ZACN: variants seen among roughly 807,000 people sequenced by gnomAD.
ZACN encodes ligand-gated cation channel ZACN.
ZACN carries 52 observed loss-of-function variants against 38.9 expected under a neutral mutation model. The ratio of observed to expected loss-of-function variants is 1.34; its 90% CI spans 1.07 to 1.68. The LOEUF (loss-of-function observed/expected upper bound fraction) is 1.68. Ranked by LOEUF, ZACN falls within the 40% of genes most tolerant of loss-of-function variation. The pLI is 0.00. For synonymous variants in ZACN, 235 were observed against 227.4 expected, an observed-to-expected ratio of 1.03 and a Z score of -0.30; for missense variants, 559 against 525.6, an observed-to-expected ratio of 1.06 and a Z score of -0.62.
intron 8 of ZACN, 100 bp from the exon 9 acceptor site, chr17:76,082,359 TAAGA>T: frequency 3.2e-6 from 4 of 1,254,362 alleles, no homozygotes; most frequent in East Asian, 4.7e-5. Flanking sequence ...GCTGAGAATC[TAAGA>T]AAGGAAGCGA....
In ZACN at chr17:76,080,215, G is replaced by A. The variant is rs1170078357; in HGVS notation, c.375-40G>A. The A allele has an allele frequency of 2.5e-6, 4 of 1,578,646 alleles. No homozygotes were observed. In the Admixed American group the frequency reaches 7.2e-5, roughly 28 times the overall value. On this transcript the variant is annotated intron_variant, in intron 4 of 8. Transcript: ENST00000334586. ...AGGGTCTCCCCCCGGCCCCGTCCAAGAAGGGGCTGGGGCTCTGGCTGTGGT... is the reference window on the plus strand; with the variant it reads ...AGGGTCTCCCCCCGGCCCCGTCCAAAAAGGGGCTGGGGCTCTGGCTGTGGT...
In ZACN at chr17:76,079,419, C is replaced by A; in HGVS notation, c.98-20C>A. 1 of 1,614,154 alleles carries A rather than the reference C, an allele frequency of 6.2e-7. No individual in the cohort carries two copies. The highest frequency in any genetic ancestry group is 8.5e-7 in the Non-Finnish European group (1 of 1,180,018). On this transcript the variant is annotated intron_variant, in intron 1 of 8. Coordinates refer to ENST00000334586, the MANE Select transcript of ZACN (RefSeq NM_180990.4). ...CTTGGGCCCTAGGGCACCTGAGTGA[C>A]CTTGACTTTTCTCTCTCAGTCTGGC...
rs1449118912 is a variant in ZACN, at chr17:76,079,463, A to C, written c.122A>C (p.Asn41Thr). The part of the protein sequence containing the change: ...AAIWPSLFNV[N>T]LSKKVQESIQ... The stretch of plus-strand genomic sequence containing the variant: ...GTCTGGCCATCCCTCTTCAACGTCA[A>C]CTTGTCCAAGAAGGTTCAGGAAAGC... Residue 41 changes from asparagine to threonine, a missense_variant, in exon 2 of 9, where the codon AAC (asparagine) becomes ACC (threonine). Physicochemically the swap from Asn to Thr is moderately conservative, Grantham distance 65. Transcript: ENST00000334586. 1.2e-6 allele frequency: 2 copies of C among 1,614,156 alleles called. No homozygotes were observed. The highest frequency in any genetic ancestry group is 1.7e-5 in the Admixed American group (1 of 60,016).
rs1209050744 is a variant in ZACN, at chr17:76,081,765, G to A, written c.880+10G>A. Reference sequence around the variant, plus strand: ...TGCAACCCACTGCTCAGTAAGCCCTGCTCCCTTACCCAGTCTGCCCTGTTT... The same window carrying A: ...TGCAACCCACTGCTCAGTAAGCCCTACTCCCTTACCCAGTCTGCCCTGTTT... On this transcript the variant is annotated intron_variant, in intron 7 of 8. Transcript: ENST00000334586. 3.7e-6 allele frequency: 6 copies of A among 1,613,970 alleles called. No homozygotes were observed. Among genetic ancestry groups the A allele is most frequent in the Non-Finnish European group, 5.1e-6 (6 of 1,179,976 alleles).
intron 5 of ZACN, 28 bp downstream of exon 5, chr17:76,080,452 T>A: frequency 6.2e-7 from 1 of 1,607,236 alleles, no homozygotes; most frequent in South Asian, 1.1e-5. Flanking sequence ...GCTGCAGGGT[T>A]GAGGAGGGGA....
At chr17:76,082,387 C>T in intron 8 of ZACN, 76 bp from the exon 9 acceptor site, 1 of 1,423,378 alleles carries the variant, frequency 7.0e-7, no homozygotes, top group South Asian at 1.4e-5. Flanking sequence ...AGGCTGATGA[C>T]CCCTGGGGTT....
rs142902667 is a variant in ZACN, at chr17:76,079,751, G to A, written c.267+5G>A. 75 of 1,613,292 alleles carry A rather than the reference G, an allele frequency of 4.6e-5. No individual in the cohort carries two copies. The East Asian group carries it at 6.5e-4, about 14-fold the overall frequency. On this transcript the variant is annotated splice_donor_5th_base_variant and intron_variant, in intron 3 of 8. Coordinates refer to ENST00000334586, the MANE Select transcript of ZACN (RefSeq NM_180990.4). ...TCCATGCTGCTGCTTAGGCTGGTGAGCTCCTATGCCTGGGGAGGTGGGATG... is the reference window on the plus strand; with the variant it reads ...TCCATGCTGCTGCTTAGGCTGGTGAACTCCTATGCCTGGGGAGGTGGGATG...
chr17:76,082,064 G>T lies in ZACN; in HGVS notation c.1048+15G>T. ...TCCTGCTGAAGGTGGGCAGGGGCTGGGGGGTAAGGAATGAGGCCTAGGTGC... is the reference window on the plus strand; with the variant it reads ...TCCTGCTGAAGGTGGGCAGGGGCTGTGGGGTAAGGAATGAGGCCTAGGTGC... On this transcript the variant is annotated intron_variant, in intron 8 of 8. Coordinates refer to ENST00000334586, the MANE Select transcript of ZACN (RefSeq NM_180990.4). 6.3e-7 allele frequency: 1 copy of T among 1,591,412 alleles called. No individual in the cohort carries two copies. Among genetic ancestry groups the T allele is most frequent in the Non-Finnish European group, 8.5e-7 (1 of 1,170,256 alleles).
Position 76,081,878 on chromosome 17 carries a change from CCA to C in ZACN, c.881-3_881-2del, listed in dbSNP as rs765160550. 5 of 1,608,672 alleles carry C rather than the reference CCA, an allele frequency of 3.1e-6. No individual in the cohort carries two copies. Among genetic ancestry groups the C allele is most frequent in the Non-Finnish European group, 4.3e-6 (5 of 1,176,330 alleles). ...AGCATCTCCCTGTGCCCTGCCTCCC[CCA>C]GTTTACTACTTCACCATCCTGCTGC... On this transcript the variant is annotated splice_acceptor_variant and splice_polypyrimidine_tract_variant and intron_variant, in intron 7 of 8. Transcript: ENST00000334586. LOFTEE classifies it high-confidence loss of function.
Position 76,081,934 on chromosome 17 carries a change from T to C in ZACN, c.933T>C (p.Thr311=), listed in dbSNP as rs1305103039. The change falls in exon 8 of 9, where the codon ACT becomes ACC. Residue 311 remains threonine (T), a synonymous_variant. Transcript: ENST00000334586. ...TGCTCTTCCTCAGCACCATAGAGAC[T>C]GTGCTGCTGGCTGGGCTGCTGGCCC... ...LLLLFLSTIE[T]VLLAGLLARG... 6.2e-6 allele frequency: 10 copies of C among 1,613,186 alleles called. 1 individual carries two copies. In the Admixed American group the frequency reaches 1.7e-4, roughly 27 times the overall value.
Position 76,081,995 on chromosome 17 carries a change from G to A in ZACN, c.994G>A (p.Ala332Thr). ...TGGGGCCAAGAGCGGCCCCAGCCCAGCCCCGAGAGGGGAACAGCGAGAGCA... is the reference window on the plus strand; with the variant it reads ...TGGGGCCAAGAGCGGCCCCAGCCCAACCCCGAGAGGGGAACAGCGAGAGCA... ...NLGAKSGPSP[A>T]PRGEQREHGN... The change falls in exon 8 of 9, where the codon GCC (alanine) becomes ACC (threonine). Residue 332 changes from alanine to threonine, a missense_variant. By Grantham distance (58) the Ala-to-Thr change is moderately conservative. Coordinates refer to ENST00000334586, the MANE Select transcript of ZACN (RefSeq NM_180990.4). The A allele has an allele frequency of 2.5e-6, 4 of 1,611,932 alleles. No homozygotes were observed. The highest frequency in any genetic ancestry group is 1.3e-5 in the African/African-American group (1 of 74,976).
At chr17:76,080,803 T>G (rs2066943159) in intron 5 of ZACN, 1 of 479,148 alleles carries the variant, frequency 2.1e-6, no homozygotes, top group Admixed American at 2.3e-5. Context: ...CTCGGCCCCT[T>G]GCAGCAAGGC....
At chr17:76,081,180 A>T (rs191578696) in intron 5 of ZACN, 98 bp from the exon 6 acceptor site, 1 of 1,534,196 alleles carries the variant, frequency 6.5e-7, no homozygotes, top group African/African-American at 1.4e-5. Flanking sequence ...AAAAGCCATC[A>T]AAAGTCTCCA....
chr17:76,081,507 C>A (rs779646744), intron 6 of ZACN, 38 bp from the exon 7 acceptor site: 4 of 1,608,688 alleles, frequency 2.5e-6, no homozygotes, highest in African/African-American at 1.3e-5. Context: ...CCACCTCCTT[C>A]CCCCCCGCCG....
chr17:76,079,287 T>C lies in ZACN; in HGVS notation c.23T>C (p.Leu8Pro). Residue 8 changes from leucine to proline, a missense_variant, in exon 1 of 9, where the codon CTC (leucine) becomes CCC (proline). Transcript: ENST00000334586. MMALWSL[L>P]HLTFLGFSIT... ...CCGATGATGGCCCTATGGTCCCTGC[T>C]CCATCTCACCTTCCTGGGGTTCAGC... The C allele has an allele frequency of 6.2e-7, 1 of 1,613,972 alleles. No homozygotes were observed. The highest frequency in any genetic ancestry group is 8.5e-7 in the Non-Finnish European group (1 of 1,179,924).
chr17:76,080,064 G>T, intron 4 of ZACN, 70 bp downstream of exon 4: 1 of 1,504,250 alleles, frequency 6.6e-7, no homozygotes, highest in Non-Finnish European at 9.0e-7. Flanking sequence ...CTACAACCTA[G>T]AGGCTGTCTG....
chr17:76,082,533 G>A lies in ZACN; in HGVS notation c.1119G>A (p.Val373=). 6.2e-7 allele frequency: 1 copy of A among 1,613,890 alleles called. No homozygotes were observed. The highest frequency in any genetic ancestry group is 8.5e-7 in the Non-Finnish European group (1 of 1,179,944). The part of the protein sequence containing the change: ...PETADRIFFL[V]YVVGVLCTQF... ...CTGCTGACCGCATCTTCTTCCTCGT[G>A]TATGTGGTTGGGGTGCTGTGCACCC... Residue 373 remains valine, a synonymous_variant, in exon 9 of 9, where the codon GTG becomes GTA. Transcript: ENST00000334586.
chr17:76,080,097 G>A (rs2144556910), intron 4 of ZACN, 103 bp downstream of exon 4: 1 of 1,468,970 alleles, frequency 6.8e-7, no homozygotes, highest in Non-Finnish European at 9.2e-7. Flanking sequence ...CCTCCTGGCG[G>A]TCCCCGCCGG....
Position 76,081,605 on chromosome 17 carries a change from C to T in ZACN, c.730C>T (p.Leu244=). 1 of 1,614,066 alleles carries T rather than the reference C, an allele frequency of 6.2e-7. No individual in the cohort carries two copies. The change falls in exon 7 of 9, where the codon CTG becomes TTG. Residue 244 remains leucine, a synonymous_variant. Transcript: ENST00000334586. The part of the protein sequence containing the change: ...IIALLVPAEA[L]LLADVCGGLL... ...CGCTCTCTTGGTGCCTGCAGAGGCA[C>T]TGCTGTTGGCTGACGTGTGCGGGGG...
Sources: allele counts gnomAD v4.1 joint callset, GRCh38; gene constraint gnomAD v4.1.1; transcripts MANE v1.5; gene names NCBI Gene and HGNC (gene_info 2026-07-23, HGNC 2026-07-21).